Variants in RRM2B observed in about 807,000 individuals in gnomAD.
RRM2B encodes the protein ribonucleotide reductase regulatory TP53 inducible subunit M2B, also known as ribonucleoside-diphosphate reductase subunit M2 B.
A neutral mutation model predicts 45.9 loss-of-function variants in RRM2B; 20 were observed. The observed-to-expected ratio is 0.44, with a 90% CI of 0.31 to 0.63. The LOEUF is 0.63. Among genes scored for constraint, RRM2B ranks in the 30% least tolerant of loss-of-function variants. The pLI is 0.09. For missense variants in RRM2B, 320 were observed against 414.7 expected (o/e 0.77, Z 1.98); for synonymous variants, 124 against 132.3 (o/e 0.94, Z 0.43).
At position 102,204,841 on chromosome 8, in the gene RRM2B, C is replaced by T. The variant is rs1483758964; in HGVS notation, c.*3292G>A. 4 of 152,142 alleles carry T rather than the reference C, an allele frequency of 2.6e-5. No individual in the cohort carries two copies. Among genetic ancestry groups the T allele is most frequent in the Non-Finnish European group, 4.4e-5 (3 of 68,004 alleles). 9.4% of individuals were successfully genotyped at this position (152,142 alleles called of 1,614,324 possible). On this transcript the variant is annotated 3_prime_UTR_variant, in exon 9 of 9. Coordinates refer to ENST00000251810, the MANE Select transcript of RRM2B (RefSeq NM_015713.5). ...AACAAAGTATGTAAGAATATTGTGA[C>T]CTTATTTAACTGTACAAAAAGCAAT...
chr8:102,217,716 T>C (rs534449203), intron 6 of RRM2B, among the ~76,000 whole-genome samples: 14 of 151,824 alleles, frequency 9.2e-5, no homozygotes, highest in African/African-American at 2.9e-4. Context: ...CTCCAAGACA[T>C]GGACAGGTTC....
At chr8:102,233,566 G>A (rs1191062202) in intron 1 of RRM2B, among the ~76,000 whole-genome samples, 1 of 152,074 alleles carries the variant, frequency 6.6e-6, no homozygotes, top group Non-Finnish European at 1.5e-5. Flanking sequence ...ATTTAACATA[G>A]GACCACAATA....
At chr8:102,225,815 T>C in intron 3 of RRM2B, 103 bp downstream of exon 3, 5 of 767,770 alleles carry the variant, frequency 6.5e-6, no homozygotes, top group Non-Finnish European at 1.2e-5. Context: ...ATCTAGTTCA[T>C]TTTTTAGACA....
chr8:102,234,475 T>C (rs1391822937), intron 1 of RRM2B, among the ~76,000 whole-genome samples: 1 of 152,038 alleles, frequency 6.6e-6, no homozygotes, highest in Non-Finnish European at 1.5e-5. Context: ...AGTTCATGCA[T>C]CTTGAAACTC....
intron 2 of RRM2B, among the ~76,000 whole-genome samples, chr8:102,227,271 T>C (rs186456821): frequency 2.0e-5 from 3 of 152,322 alleles, no homozygotes; most frequent in Admixed American, 2.0e-4. Context: ...ACTTTAGAAT[T>C]TGGTGAAACC....
intron 1 of RRM2B, among the ~76,000 whole-genome samples, chr8:102,235,062 T>C (rs1811096943): frequency 6.6e-6 from 1 of 152,190 alleles, no homozygotes; most frequent in Admixed American, 6.5e-5. Context: ...CTAAGATGTA[T>C]GCTATTGGGA....
At chr8:102,238,209 T>C (rs1811156246) in intron 1 of RRM2B, among the ~76,000 whole-genome samples, 1 of 152,230 alleles carries the variant, frequency 6.6e-6, no homozygotes, top group Non-Finnish European at 1.5e-5. Flanking sequence ...TTTTACTTAA[T>C]TCTCTCTGAA....
chr8:102,229,021 C>G (rs977800322), intron 2 of RRM2B, among the ~76,000 whole-genome samples: 3 of 152,158 alleles, frequency 2.0e-5, no homozygotes, highest in African/African-American at 7.2e-5. Context: ...TTTGGGAGGC[C>G]AAGGTGAGTG....
chr8:102,226,138 T>C, intron 2 of RRM2B, 104 bp from the exon 3 acceptor site: 1 of 732,738 alleles, frequency 1.4e-6, no homozygotes, highest in Non-Finnish European at 2.5e-6. Flanking sequence ...CCACTACCAG[T>C]AAACTATGGA....
chr8:102,220,973 A>C (rs1157084963), intron 5 of RRM2B, among the ~76,000 whole-genome samples: 4 of 152,204 alleles, frequency 2.6e-5, no homozygotes, highest in Admixed American at 2.6e-4. Flanking sequence ...AGTCGGATAC[A>C]TTTTTAAGAT....
At chr8:102,224,861 T>C in intron 4 of RRM2B, 24 bp downstream of exon 4, 1 of 1,610,074 alleles carries the variant, frequency 6.2e-7, no homozygotes, top group Non-Finnish European at 8.5e-7. Flanking sequence ...AAGCAATATT[T>C]TGTAAATAAA....
chr8:102,220,704 G>A lies in RRM2B; in HGVS notation c.551-1757C>T, dbSNP rs1810815324. Among the ~76,000 whole-genome samples the A allele has an allele frequency of 1.3e-5, 2 of 152,186 alleles. 1 individual carries two copies. Among genetic ancestry groups the A allele is most frequent in the South Asian group, 4.1e-4 (2 of 4,826 alleles). ...TCTCATCTCAGCCTCACAAGTAGCT[G>A]GGATTATAGGCACAAGCCACTGTGC... On this transcript the variant is annotated intron_variant, in intron 5 of 8. Coordinates refer to ENST00000251810, the MANE Select transcript of RRM2B (RefSeq NM_015713.5).
At chr8:102,217,647 A>G (rs1810753343) in intron 6 of RRM2B, among the ~76,000 whole-genome samples, 1 of 152,182 alleles carries the variant, frequency 6.6e-6, no homozygotes, top group Non-Finnish European at 1.5e-5. Flanking sequence ...AAGTCCCTGC[A>G]CTAAGGAGCT....
rs1810540749 is a variant in RRM2B at position 102,206,141 on chromosome 8, TAATA to T, written c.*1988_*1991del. The T allele has an allele frequency of 6.6e-6, 1 of 152,060 alleles. No homozygotes were observed. The highest frequency in any genetic ancestry group is 2.1e-4 in the South Asian group (1 of 4,828). 9.4% of individuals were successfully genotyped at this position (152,060 alleles called of 1,614,324 possible). On this transcript the variant is annotated 3_prime_UTR_variant, in exon 9 of 9. Transcript: ENST00000251810. ...AATGTCTCTCTATATTTTGATACTTTAATATATATATTTAAAGTATATTCAATTA... is the reference window on the plus strand; with the variant it reads ...AATGTCTCTCTATATTTTGATACTTTTATATATTTAAAGTATATTCAATTA...
intron 5 of RRM2B, among the ~76,000 whole-genome samples, chr8:102,222,714 A>G (rs540152326): frequency 1.4e-3 from 210 of 152,370 alleles, no homozygotes; most frequent in African/African-American, 4.6e-3. Flanking sequence ...TATACTATAT[A>G]CATATACACT....
chr8:102,211,945 T>C (rs1810642575), intron 8 of RRM2B, among the ~76,000 whole-genome samples: 1 of 152,200 alleles, frequency 6.6e-6, no homozygotes, highest in African/African-American at 2.4e-5. Context: ...GCATCATAGA[T>C]TTCATAAGGA....
rs137922053 is a variant in RRM2B at position 102,210,105 on chromosome 8, C to T, written c.904-1820G>A. Among the ~76,000 whole-genome samples the T allele has an allele frequency of 2.2e-3, 329 of 152,274 alleles. 1 individual carries two copies. Among genetic ancestry groups the T allele is most frequent in the African/African-American group, 7.6e-3 (314 of 41,564 alleles). On this transcript the variant is annotated intron_variant, in intron 8 of 8. Transcript: ENST00000251810. ...AGGTTGTTATGATGGTTGTACAACT[C>T]TGTGACTACACTAAAAACTATTGAA...
intron 8 of RRM2B, 123 bp downstream of exon 8, chr8:102,212,651 GTC>G: frequency 1.6e-6 from 1 of 618,992 alleles, no homozygotes; most frequent in Admixed American, 3.1e-5. Context: ...TACAAAACAA[GTC>G]TCTGTCATTG....
Position 102,236,029 on chromosome 8 carries a change from A to G in RRM2B, c.48+2798T>C, listed in dbSNP as rs1298129849. ...GAGGATACAGTCTTAGAGAATGCTG[A>G]TATTTAAAGGGCAGATGAAAGAAGA... On this transcript the variant is annotated intron_variant, in intron 1 of 8. Transcript: ENST00000251810. Among the ~76,000 whole-genome samples, 4 of 152,330 alleles carry G rather than the reference A, an allele frequency of 2.6e-5. No individual in the cohort carries two copies. In the East Asian group the frequency reaches 7.7e-4, roughly 29 times the overall value.
Sources: allele counts gnomAD v4.1 joint callset (sites outside exome capture counted in the v4.1 genomes callset), GRCh38; gene constraint gnomAD v4.1.1; transcripts MANE v1.5; gene names NCBI Gene and HGNC (gene_info 2026-07-23, HGNC 2026-07-21).